RORA: variants seen among roughly 807,000 people sequenced by gnomAD.
RORA encodes the protein nuclear receptor ROR-alpha.
RORA carries 7 observed loss-of-function variants against 69.5 expected under a neutral mutation model. The observed-to-expected ratio is 0.10, with a 90% CI of 0.06 to 0.19. The LOEUF (loss-of-function observed/expected upper bound fraction) is 0.19, where lower values mean the gene tolerates loss of function less well. Among genes scored for constraint, RORA ranks in the 10% least tolerant of loss-of-function variants. The probability of loss-of-function intolerance (pLI) is 1.00; values close to 1 mark genes in which losing one functional copy is unlikely to be tolerated. For synonymous variants in RORA, 261 were observed against 240.8 expected (o/e 1.08, Z -0.78); for missense variants, 457 against 663.0 (o/e 0.69, Z 3.41).
At chr15:60,663,893 T>C (rs1015797258) in intron 2 of RORA, among the ~76,000 whole-genome samples, 10 of 152,160 alleles carry the variant, frequency 6.6e-5, no homozygotes, top group African/African-American at 2.4e-4. Context: ...AACCCAACTC[T>C]CCAGAATTCT....
intron 1 of RORA, among the ~76,000 whole-genome samples, chr15:60,839,990 A>C (rs1357944023): frequency 6.6e-6 from 1 of 152,146 alleles, no homozygotes; most frequent in Non-Finnish European, 1.5e-5. Flanking sequence ...AGTAAGAGTT[A>C]CGCCCTGTTG....
At chr15:60,565,727 A>C (rs547492232) in intron 2 of RORA, among the ~76,000 whole-genome samples, 2 of 152,372 alleles carry the variant, frequency 1.3e-5, no homozygotes, top group African/African-American at 4.8e-5. Flanking sequence ...GTACAAACAT[A>C]TATAGATACC....
chr15:61,032,836 A>T (rs73424310), intron 1 of RORA, among the ~76,000 whole-genome samples: 2,685 of 152,320 alleles, frequency 0.018, 80 homozygotes, highest in African/African-American at 0.06. Context: ...AATTTGGAAC[A>T]ATAATAAAAT....
chr15:60,667,914 C>T (rs964344578), intron 2 of RORA, among the ~76,000 whole-genome samples: 2 of 152,096 alleles, frequency 1.3e-5, no homozygotes, highest in African/African-American at 2.4e-5. Context: ...TGAGCCACTG[C>T]ACCCAGCCCA....
intron 2 of RORA, among the ~76,000 whole-genome samples, chr15:60,540,724 TCTG>T (rs2066846391): frequency 6.6e-6 from 1 of 152,180 alleles, no homozygotes; most frequent in South Asian, 2.1e-4. Flanking sequence ...ATTCTGAAGA[TCTG>T]CTACTGCTCA....
chr15:61,192,868 C>T (rs922226237), intron 1 of RORA, among the ~76,000 whole-genome samples: 2 of 152,170 alleles, frequency 1.3e-5, no homozygotes, highest in Non-Finnish European at 2.9e-5. Flanking sequence ...TAACACTTGC[C>T]TTACAGGGCT....
chr15:61,190,308 T>C (rs1191795060), intron 1 of RORA, among the ~76,000 whole-genome samples: 2 of 152,164 alleles, frequency 1.3e-5, no homozygotes, highest in Non-Finnish European at 2.9e-5. Context: ...GGGACACCAA[T>C]AAGTTCTATA....
rs186938520 is a variant in RORA at position 61,080,673 on chromosome 15, G to A, written c.166+148380C>T. On this transcript the variant is annotated intron_variant, in intron 1 of 10. Transcript: ENST00000335670. Reference sequence around the variant, plus strand: ...CTTTCTACCATGACGTCAGCTGCTCGTCCTGCACACAGTGGGTATAGAGTA... The same window carrying A: ...CTTTCTACCATGACGTCAGCTGCTCATCCTGCACACAGTGGGTATAGAGTA... 4.6e-5 allele frequency among the ~76,000 whole-genome samples: 7 copies of A among 152,262 alleles called. No individual in the cohort carries two copies. In the East Asian group the frequency reaches 1.4e-3, roughly 29 times the overall value.
chr15:60,592,367 G>C (rs1179480617), intron 2 of RORA: 7 of 1,404,792 alleles, frequency 5.0e-6, no homozygotes, highest in African/African-American at 4.5e-5. Flanking sequence ...ACCCGGCCCC[G>C]GCGGGGCGCC....
At chr15:60,595,017 T>C (rs1180020195) in intron 2 of RORA, among the ~76,000 whole-genome samples, 3 of 137,738 alleles carry the variant, frequency 2.2e-5, no homozygotes, top group Non-Finnish European at 4.6e-5. Context: ...TCTTTGAGAG[T>C]AAAAACTATA....
chr15:61,069,094 A>G (rs2078304351), intron 1 of RORA, among the ~76,000 whole-genome samples: 1 of 152,200 alleles, frequency 6.6e-6, no homozygotes, highest in African/African-American at 2.4e-5. Flanking sequence ...ATGGCTATGC[A>G]GTGGATGAAG....
intron 1 of RORA, among the ~76,000 whole-genome samples, chr15:60,926,226 T>C (rs1415246510): frequency 6.6e-6 from 1 of 152,120 alleles, no homozygotes; most frequent in Non-Finnish European, 1.5e-5. Context: ...AAGCCAAAAG[T>C]CCCTCAATCC....
chr15:60,646,803 C>G (rs1039425038), intron 2 of RORA, among the ~76,000 whole-genome samples: 2 of 152,224 alleles, frequency 1.3e-5, no homozygotes, highest in African/African-American at 2.4e-5. Context: ...CCCTGCCCAG[C>G]CTGTCTGGCT....
At chr15:60,863,159 G>A (rs1430584518) in intron 1 of RORA, among the ~76,000 whole-genome samples, 1 of 152,218 alleles carries the variant, frequency 6.6e-6, no homozygotes, top group Non-Finnish European at 1.5e-5. Context: ...TTTTACAGTT[G>A]AGATAATTGA....
intron 3 of RORA, among the ~76,000 whole-genome samples, chr15:60,519,015 A>C (rs2066063233): frequency 6.6e-6 from 1 of 152,236 alleles, no homozygotes; most frequent in African/African-American, 2.4e-5. Context: ...AGTATATTTT[A>C]ATAATTGTTC....
intron 1 of RORA, among the ~76,000 whole-genome samples, chr15:61,179,826 G>C (rs1452011926): frequency 1.3e-5 from 2 of 152,128 alleles, no homozygotes; most frequent in African/African-American, 4.8e-5. Flanking sequence ...TGATTTAAAA[G>C]CAAATGATGG....
rs560470346 is a variant in RORA, at chr15:60,712,349, G to T, written c.167-33663C>A. Among the ~76,000 whole-genome samples, 13 of 152,248 alleles carry T rather than the reference G, an allele frequency of 8.5e-5. No individual in the cohort carries two copies. In the South Asian group the frequency reaches 2.7e-3, roughly 32 times the overall value. On this transcript the variant is annotated intron_variant, in intron 1 of 10. Coordinates refer to ENST00000335670, the MANE Select transcript of RORA (RefSeq NM_134261.3). Reference sequence around the variant, plus strand: ...AGAAAATAGGCAATACAAGGTCTTTGTTCCTGCATTATACAACTAAATTTG... The same window carrying T: ...AGAAAATAGGCAATACAAGGTCTTTTTTCCTGCATTATACAACTAAATTTG...
At chr15:60,930,424 C>A (rs973005649) in intron 1 of RORA, among the ~76,000 whole-genome samples, 7 of 152,114 alleles carry the variant, frequency 4.6e-5, no homozygotes, top group African/African-American at 1.4e-4. Flanking sequence ...CGGTGGGAGG[C>A]ATCTTTGAGA....
chr15:61,030,128 A>T (rs1009433876), intron 1 of RORA, among the ~76,000 whole-genome samples: 1 of 152,160 alleles, frequency 6.6e-6, no homozygotes, highest in Non-Finnish European at 1.5e-5. Context: ...AAGGTTATGG[A>T]AGTCAAGGAA....
Sources: allele counts gnomAD v4.1 joint callset (sites outside exome capture counted in the v4.1 genomes callset), GRCh38; gene constraint gnomAD v4.1.1; transcripts MANE v1.5; gene names NCBI Gene and HGNC (gene_info 2026-07-23, HGNC 2026-07-21).